LMNB2: variants seen among roughly 807,000 people sequenced by gnomAD.
The protein encoded by LMNB2 is lamin B2, also known as lamin-B2.
In LMNB2, 17 loss-of-function variants were observed where a neutral mutation model predicts 69.3. The ratio of observed to expected loss-of-function variants is 0.25; its 90% CI spans 0.17 to 0.37. The LOEUF (loss-of-function observed/expected upper bound fraction) is 0.37, where lower values mean the gene tolerates loss of function less well. Among genes scored for constraint, LMNB2 ranks in the 10% least tolerant of loss-of-function variants. The pLI is 1.00. For synonymous variants in LMNB2, 397 were observed against 389.3 expected, an observed-to-expected ratio of 1.02 and a Z score of -0.23; for missense variants, 789 against 883.6, an observed-to-expected ratio of 0.89 and a Z score of 1.36.
chr19:2,446,911 C>T (rs1359239588), intron 1 of LMNB2, among the ~76,000 whole-genome samples: 1 of 152,078 alleles, frequency 6.6e-6, no homozygotes, highest in African/African-American at 2.4e-5. Flanking sequence ...GAAGCCGAGG[C>T]GGGCGGATCA....
intron 9 of LMNB2, among the ~76,000 whole-genome samples, 159 bp from the exon 10 acceptor site, chr19:2,432,061 CAAG>C (rs72104403): frequency 0.022 from 3,398 of 152,242 alleles, 53 homozygotes; most frequent in East Asian, 0.099. Flanking sequence ...CCAGGATACA[CAAG>C]AAGAGACCAG....
chr19:2,432,631 T>A, intron 8 of LMNB2, 108 bp from the exon 9 acceptor site: 1 of 881,726 alleles, frequency 1.1e-6, no homozygotes, highest in Non-Finnish European at 1.9e-6. Context: ...CCCCACCAGC[T>A]AGGTCACCCC....
At position 2,447,004 on chromosome 19, in the gene LMNB2, C is replaced by T. The variant is rs113486722; in HGVS notation, c.265-2464G>A. 2.6e-5 allele frequency among the ~76,000 whole-genome samples: 4 copies of T among 151,614 alleles called. No individual in the cohort carries two copies. The East Asian group carries it at 5.8e-4, about 22-fold the overall frequency. ...AAAAACATACAAAAAATTAGCCAGG[C>T]GTGGTGGTGGGCGCCTGTGGTCCCA... On this transcript the variant is annotated intron_variant, in intron 1 of 11. Coordinates refer to ENST00000325327, the MANE Select transcript of LMNB2 (RefSeq NM_032737.4). This position sits in a 1 kb window ranked among gnomAD's most constrained non-coding sequence, Gnocchi z 4.4.
At chr19:2,437,011 T>C (rs28628761) in intron 4 of LMNB2, 57,385 of 152,488 alleles carry the variant, frequency 0.38, 11,789 homozygotes, top group African/African-American at 0.56. Context: ...CACAGGCCCC[T>C]TCACAACTGC....
Position 2,429,276 on chromosome 19 carries a change from C to G in LMNB2, c.*1635G>C, listed in dbSNP as rs1971701448. ...CTGTCGCCAGCATTCCCACTTCCAG[C>G]GGCTGGCAGAGGGTATCCCCGGGGC... is the stretch of plus-strand genomic sequence containing the variant. On this transcript the variant is annotated 3_prime_UTR_variant, in exon 12 of 12. Coordinates refer to ENST00000325327, the MANE Select transcript of LMNB2 (RefSeq NM_032737.4). 6.6e-6 allele frequency: 1 copy of G among 152,230 alleles called. No homozygotes were observed. The highest frequency in any genetic ancestry group is 2.1e-4 in the South Asian group (1 of 4,824). 9.4% of individuals were successfully genotyped at this position (152,230 alleles called of 1,614,324 possible).
At chr19:2,456,401 G>C (rs1310884256) in intron 1 of LMNB2, among the ~76,000 whole-genome samples, 2 of 141,878 alleles carry the variant, frequency 1.4e-5, no homozygotes, top group African/African-American at 5.3e-5. Flanking sequence ...CGCTCACTCA[G>C]GGGCCCCTCG....
Position 2,439,035 on chromosome 19 carries a change from C to CTTTTTTTT in LMNB2, c.402-512_402-505dup, listed in dbSNP as rs397945879. The stretch of plus-strand genomic sequence containing the variant: ...CCAGTGTGGATTGTAGGCACTTAAG[C>CTTTTTTTT]TTTTTTTTTTTTTTTTTTTTTTTTT... On this transcript the variant is annotated intron_variant, in intron 2 of 11. Coordinates refer to ENST00000325327, the MANE Select transcript of LMNB2 (RefSeq NM_032737.4). Among the ~76,000 whole-genome samples the CTTTTTTTT allele has an allele frequency of 1.5e-3, 98 of 65,712 alleles. 12 individuals carry two copies. The highest frequency in any genetic ancestry group is 6.0e-3 in the African/African-American group (93 of 15,420). 43.1% of individuals were successfully genotyped at this position (65,712 alleles called of 152,430 possible).
chr19:2,437,693 G>A (rs1309150987), intron 4 of LMNB2, among the ~76,000 whole-genome samples: 1 of 151,658 alleles, frequency 6.6e-6, no homozygotes, highest in Non-Finnish European at 1.5e-5. Context: ...CCAGCTACTC[G>A]GGAGGCTGAG....
intron 1 of LMNB2, 21 bp downstream of exon 1, chr19:2,456,649 C>G: frequency 6.7e-7 from 1 of 1,484,684 alleles, no homozygotes. Context: ...CCCCGCCCGG[C>G]CCCTAAGCCC....
rs1036526271 is a variant in LMNB2, at chr19:2,448,544, G to A, written c.265-4004C>T. 4.6e-5 allele frequency among the ~76,000 whole-genome samples: 7 copies of A among 152,310 alleles called. 1 individual carries two copies. Among genetic ancestry groups the A allele is most frequent in the South Asian group, 4.1e-4 (2 of 4,832 alleles). Reference sequence around the variant, plus strand: ...AGCACCCCCAGACCATGTGCACGGCGGTCCTGTAAGACTCTAATGCAAACC... The same window carrying A: ...AGCACCCCCAGACCATGTGCACGGCAGTCCTGTAAGACTCTAATGCAAACC... On this transcript the variant is annotated intron_variant, in intron 1 of 11. Transcript: ENST00000325327.
chr19:2,443,321 G>A lies in LMNB2; in HGVS notation c.401+1083C>T, dbSNP rs1019303905. On this transcript the variant is annotated intron_variant, in intron 2 of 11. Coordinates refer to ENST00000325327, the MANE Select transcript of LMNB2 (RefSeq NM_032737.4). This position sits in a 1 kb window ranked among gnomAD's most constrained non-coding sequence, Gnocchi z 6.2. Reference sequence around the variant, plus strand: ...GAAGTCAGCTCTCCACGGGAGCAGCGCCAGCCCAGGAAGGAGGAGGGCGTC... The same window carrying A: ...GAAGTCAGCTCTCCACGGGAGCAGCACCAGCCCAGGAAGGAGGAGGGCGTC... 1.3e-5 allele frequency among the ~76,000 whole-genome samples: 2 copies of A among 152,204 alleles called. No homozygotes were observed. Among genetic ancestry groups the A allele is most frequent in the South Asian group, 2.1e-4 (1 of 4,830 alleles).
At position 2,434,076 on chromosome 19, in the gene LMNB2, C is replaced by A; in HGVS notation, c.1232G>T (p.Arg411Leu). Residue 411 changes from arginine (R) to leucine (L), a missense_variant, in exon 8 of 12, where the codon CGC becomes CTC. Transcript: ENST00000325327. Reference protein sequence around the residue: ...RLKLSPSPSSRVTVSRATSSS... With the variant: ...RLKLSPSPSSLVTVSRATSSS... ...CGAGGTGGCTCGTGAGACGGTGACG[C>A]GCGAGGATGGGCTGGGGGACAGCTT... The A allele has an allele frequency of 6.3e-7, 1 of 1,594,360 alleles. No individual in the cohort carries two copies. Among genetic ancestry groups the A allele is most frequent in the Non-Finnish European group, 8.5e-7 (1 of 1,172,206 alleles).
At chr19:2,449,386 C>T (rs552681683) in intron 1 of LMNB2, among the ~76,000 whole-genome samples, 7 of 152,304 alleles carry the variant, frequency 4.6e-5, no homozygotes, top group African/African-American at 1.7e-4. Context: ...CGTCTCCTAA[C>T]GACACGCTTT....
At chr19:2,451,094 A>G (rs1181798526) in intron 1 of LMNB2, among the ~76,000 whole-genome samples, 1 of 152,098 alleles carries the variant, frequency 6.6e-6, no homozygotes, top group African/African-American at 2.4e-5. Flanking sequence ...TACAAAAATT[A>G]GCTGGGCGTG....
At chr19:2,442,771 T>A (rs895034615) in intron 2 of LMNB2, among the ~76,000 whole-genome samples, 4 of 152,024 alleles carry the variant, frequency 2.6e-5, no homozygotes, top group African/African-American at 9.7e-5. Flanking sequence ...GGCCTCTCTG[T>A]AGATGCCACG....
At position 2,428,318 on chromosome 19, in the gene LMNB2, C is replaced by G. The variant is rs944469199; in HGVS notation, c.*2593G>C. On this transcript the variant is annotated 3_prime_UTR_variant, in exon 12 of 12. Transcript: ENST00000325327. ...TGAAAGTCCATGCCAGCCCCAGCTG[C>G]AGCCCAGCTCCGTTTTTGCAGGTTG... The G allele has an allele frequency of 1.3e-5, 2 of 152,366 alleles. No homozygotes were observed. Among genetic ancestry groups the G allele is most frequent in the East Asian group, 3.9e-4 (2 of 5,190 alleles). The allele number at this position is 152,366 out of a possible 1,614,324, so 9.4% of individuals were successfully genotyped here. A position where few individuals can be genotyped will look rare whatever the true frequency, so the allele number is the denominator to read the frequency against.
Position 2,432,557 on chromosome 19 carries a change from A to G in LMNB2, c.1483-34T>C, listed in dbSNP as rs736705. 0.32 allele frequency: 495,541 copies of G among 1,559,056 alleles called. 82,142 individuals are homozygous for G. The highest frequency in any genetic ancestry group is 0.54 in the African/African-American group (39,998 of 73,710). ...CACGGCACACACCTGACCCTCAGCC[A>G]CCAGGACTGTGACACCGCCCCCATC... is the stretch of plus-strand genomic sequence containing the variant. On this transcript the variant is annotated intron_variant, in intron 8 of 11. Transcript: ENST00000325327.
At chr19:2,434,955 C>A in intron 5 of LMNB2, 42 bp from the exon 6 acceptor site, 3 of 1,586,190 alleles carry the variant, frequency 1.9e-6, no homozygotes, top group South Asian at 1.1e-5. Flanking sequence ...CGGGGCGGGG[C>A]GGGGTTCCCA....
intron 1 of LMNB2, among the ~76,000 whole-genome samples, chr19:2,455,324 T>G (rs1972075326): frequency 6.6e-6 from 1 of 151,606 alleles, no homozygotes; most frequent in African/African-American, 2.4e-5. Context: ...CCAGTCTCCT[T>G]GGAGCCCAGA....
Sources: allele counts gnomAD v4.1 joint callset (sites outside exome capture counted in the v4.1 genomes callset), GRCh38; gene constraint gnomAD v4.1.1; non-coding constraint Gnocchi (gnomAD v3.1); transcripts MANE v1.5; gene names NCBI Gene and HGNC (gene_info 2026-07-23, HGNC 2026-07-21).